SPAG8: variants seen among roughly 807,000 people sequenced by gnomAD.
SPAG8 encodes sperm-associated antigen 8.
In SPAG8, 36 loss-of-function variants were observed where a neutral mutation model predicts 45.3. The observed-to-expected ratio is 0.80, with a 90% CI of 0.61 to 1.05. The LOEUF (loss-of-function observed/expected upper bound fraction) is 1.05. SPAG8 is among the 50% of genes least tolerant of loss of function. The pLI is 0.00. For missense variants in SPAG8, 573 were observed against 609.2 expected (o/e 0.94, Z 0.63); for synonymous variants, 227 against 232.6 (o/e 0.98, Z 0.22).
chr9:35,811,698 G>A lies in SPAG8; in HGVS notation c.348C>T (p.Val116=), dbSNP rs767881208. 2.4e-5 allele frequency: 39 copies of A among 1,614,118 alleles called. No individual in the cohort carries two copies. In the South Asian group the frequency reaches 4.0e-4, roughly 16 times the overall value. Residue 116 remains valine, a synonymous_variant, in exon 2 of 7, where the codon GTC becomes GTT. Coordinates refer to ENST00000396638, the MANE Select transcript of SPAG8 (RefSeq NM_001039592.2). ...IAHGSLGFEP[V]YVSCIAQDTC... is the part of the protein sequence containing the mutation. Reference sequence around the variant, plus strand: ...TGTCCTGAGCAATACAGGAAACATAGACGGGCTCAAAGCCAAGACTCCCAT... The same window carrying A: ...TGTCCTGAGCAATACAGGAAACATAAACGGGCTCAAAGCCAAGACTCCCAT...
chr9:35,809,752 C>A (rs1476722147), downstream of SPAG8: 2 of 1,497,738 alleles, frequency 1.3e-6, no homozygotes, highest in East Asian at 4.6e-5. The surrounding 1 kb of genome is among the most constrained non-coding windows in gnomAD (Gnocchi z 4.1). Context: ...TAGGGGCAAT[C>A]CCAAGGAAAG....
In SPAG8 at chr9:35,810,952, G is replaced by A. The variant is rs761228912; in HGVS notation, c.970C>T (p.Pro324Ser). ...TTCTGGGTGGTGCTGGAGGGCATGG[G>A]TGACTTTAGTTGCATAGTCAGCAGT... ...RGLLTMQLKS[P>S]MPSSTTQKDS... Residue 324 changes from proline to serine, a missense_variant, in exon 3 of 7, where the codon CCC becomes TCC. Physicochemically the swap from Pro to Ser is moderately conservative, Grantham distance 74 (BLOSUM62 -1). Transcript: ENST00000396638. 1 of 1,614,112 alleles carries A rather than the reference G, an allele frequency of 6.2e-7. No individual in the cohort carries two copies. The highest frequency in any genetic ancestry group is 8.5e-7 in the Non-Finnish European group (1 of 1,180,016).
At position 35,811,855 on chromosome 9, in the gene SPAG8, A is replaced by T; in HGVS notation, c.191T>A (p.Phe64Tyr). The part of the protein sequence containing the change: ...AASAAAATAA[F>Y]TTAKAAALST... ...TAATGCAGCTGCTTTGGCAGTGGTG[A>T]AGGCTGCAGTAGCTGCAGCAGCTGA... The change falls in exon 2 of 7, where the codon TTC becomes TAC. Residue 64 changes from phenylalanine (F) to tyrosine (Y), a missense_variant. Transcript: ENST00000396638. 2.5e-6 allele frequency: 4 copies of T among 1,611,168 alleles called. No individual in the cohort carries two copies. The highest frequency in any genetic ancestry group is 3.4e-6 in the Non-Finnish European group (4 of 1,177,730).
rs769243311 is a variant in SPAG8 at position 35,811,560 on chromosome 9, A to ACCAGAG, written c.480_485dup (p.Ser161_Gly162dup). ...AGCCAGGGACAGAGCCACAGCCAGG[A>ACCAGAG]CCAGAGCCAGAGCCAGAGCCATGGC... On this transcript the variant is annotated inframe_insertion, in exon 2 of 7. Transcript: ENST00000396638. The ACCAGAG allele has an allele frequency of 6.2e-6, 10 of 1,611,568 alleles. No individual in the cohort carries two copies. The highest frequency in any genetic ancestry group is 1.1e-5 in the South Asian group (1 of 90,936).
downstream of SPAG8, chr9:35,807,934 CGTT>C: frequency 1.9e-6 from 1 of 525,262 alleles, no homozygotes. Context: ...ATAATAGATT[CGTT>C]GTATGGAAAG....
At chr9:35,811,095 T>G in intron 2 of SPAG8, 38 bp from the exon 3 acceptor site, 1 of 1,595,202 alleles carries the variant, frequency 6.3e-7, no homozygotes, top group Non-Finnish European at 8.5e-7. Context: ...ATATCCCTTC[T>G]GGTACCCACC....
chr9:35,809,667 A>G (rs761280390), downstream of SPAG8: 15 of 1,120,676 alleles, frequency 1.3e-5, no homozygotes, highest in Non-Finnish European at 2.0e-5. The surrounding 1 kb of genome is among the most constrained non-coding windows in gnomAD (Gnocchi z 4.1). Flanking sequence ...TTCTGTAAAT[A>G]TCTGTATCTA....
chr9:35,811,600 G>C lies in SPAG8; in HGVS notation c.446C>G (p.Ser149Cys). The C allele has an allele frequency of 6.2e-7, 1 of 1,614,100 alleles. No individual in the cohort carries two copies. The highest frequency in any genetic ancestry group is 8.5e-7 in the Non-Finnish European group (1 of 1,179,978). The change falls in exon 2 of 7, where the codon TCC (serine) becomes TGC (cysteine). Residue 149 changes from serine (S) to cysteine (C), a missense_variant. By Grantham distance (112) the Ser-to-Cys change is moderately radical. Coordinates refer to ENST00000396638, the MANE Select transcript of SPAG8 (RefSeq NM_001039592.2). Reference sequence around the variant, plus strand: ...AGAGCCATGGCCAGCACCTGAGCTGGAACCAAGAACAGGCCCAGAGCTAGA... The same window carrying C: ...AGAGCCATGGCCAGCACCTGAGCTGCAACCAAGAACAGGCCCAGAGCTAGA... ...PGSSSGPVLG[S>C]SSGAGHGSGS...
downstream of SPAG8, chr9:35,809,615 A>G (rs769884337): frequency 3.4e-6 from 4 of 1,174,658 alleles, no homozygotes; most frequent in South Asian, 3.7e-5. This position sits in a 1 kb window ranked among gnomAD's most constrained non-coding sequence, Gnocchi z 4.1. Flanking sequence ...AGCCCTGTAC[A>G]TATACCTGTC....
At chr9:35,808,646 C>A (rs1224456436), downstream of SPAG8, 1 of 1,614,182 alleles carries the variant, frequency 6.2e-7, no homozygotes, top group Non-Finnish European at 8.5e-7. The surrounding 1 kb of genome is among the most constrained non-coding windows in gnomAD (Gnocchi z 4.0). Flanking sequence ...GCCACCGACC[C>A]CATGACCAGC....
chr9:35,810,773 G>C lies in SPAG8; in HGVS notation c.1040-91C>G. 4 of 1,602,632 alleles carry C rather than the reference G, an allele frequency of 2.5e-6. No individual in the cohort carries two copies. The South Asian group carries it at 4.4e-5, about 18-fold the overall frequency. On this transcript the variant is annotated intron_variant, in intron 3 of 6. Coordinates refer to ENST00000396638, the MANE Select transcript of SPAG8 (RefSeq NM_001039592.2). Reference sequence around the variant, plus strand: ...CTTGAGAAAAGGAAGAAGAACCTTGGGGTTCCGCCCTTATATCCACTGGAG... The same window carrying C: ...CTTGAGAAAAGGAAGAAGAACCTTGCGGTTCCGCCCTTATATCCACTGGAG...
chr9:35,811,972 C>T lies in SPAG8; in HGVS notation c.74G>A (p.Gly25Glu), dbSNP rs770232204. The T allele has an allele frequency of 1.1e-5, 18 of 1,599,714 alleles. No homozygotes were observed. Among genetic ancestry groups the T allele is most frequent in the South Asian group, 8.8e-5 (8 of 90,666 alleles). Residue 25 changes from glycine (G) to glutamate (E), a missense_variant, in exon 2 of 7, where the codon GGA becomes GAA. Transcript: ENST00000396638. ...RSLDIQPSSE[G>E]LGPTSEPFPS... ...AAACGGTTCCGAAGTGGGCCCCAGT[C>T]CTTCGGAGCTGGGCTGTATGTCTAA...
chr9:35,811,920 C>T lies in SPAG8; in HGVS notation c.126G>A (p.Ser42=), dbSNP rs1828828856. 2 of 1,607,066 alleles carry T rather than the reference C, an allele frequency of 1.2e-6. No homozygotes were observed. Among genetic ancestry groups the T allele is most frequent in the Non-Finnish European group, 8.5e-7 (1 of 1,174,884 alleles). ...PFPSSDDSPR[S]ALAAATAAAA... ...CTGCTGCGGTTGCAGCTGCCAGGGC[C>T]GACCTGGGACTGTCATCTGAAGAAG... Residue 42 remains serine, a synonymous_variant, in exon 2 of 7, where the codon TCG becomes TCA. Coordinates refer to ENST00000396638, the MANE Select transcript of SPAG8 (RefSeq NM_001039592.2).
In SPAG8 at chr9:35,812,255, TG is replaced by T. The variant is rs1828856082; in HGVS notation, c.-109del. ...CAGGTGGCGGTGGAGGCAAGTCCTC[TG>T]CGGGGCGGAAGTCTTCAGCCTAGTG... is the stretch of plus-strand genomic sequence containing the variant. On this transcript the variant is annotated 5_prime_UTR_variant, in exon 1 of 7. Coordinates refer to ENST00000396638, the MANE Select transcript of SPAG8 (RefSeq NM_001039592.2). 2 of 1,288,080 alleles carry T rather than the reference TG, an allele frequency of 1.6e-6. No individual in the cohort carries two copies. The highest frequency in any genetic ancestry group is 2.3e-5 in the East Asian group (1 of 43,010). The allele number at this position is 1,288,080 out of a possible 1,614,324, so 79.8% of individuals were successfully genotyped here.
At chr9:35,809,395 C>A (rs1828635483), downstream of SPAG8, 1 of 1,614,132 alleles carries the variant, frequency 6.2e-7, no homozygotes, top group Non-Finnish European at 8.5e-7. This position sits in a 1 kb window ranked among gnomAD's most constrained non-coding sequence, Gnocchi z 4.1. Context: ...AGGAAAGATG[C>A]GAACATACTG....
downstream of SPAG8, chr9:35,808,863 T>A (rs1828580181): frequency 1.3e-6 from 2 of 1,509,730 alleles, no homozygotes; most frequent in Middle Eastern, 1.7e-4. This position sits in a 1 kb window ranked among gnomAD's most constrained non-coding sequence, Gnocchi z 4.0. Flanking sequence ...GGTAAGACAT[T>A]AGCCCTCAAC....
downstream of SPAG8, chr9:35,808,463 C>T: frequency 6.3e-7 from 1 of 1,594,134 alleles, no homozygotes. This position sits in a 1 kb window ranked among gnomAD's most constrained non-coding sequence, Gnocchi z 4.0. Context: ...TTTCCCATCC[C>T]CATGGATATA....
At chr9:35,808,732 TC>T (rs753470777), downstream of SPAG8, 10 of 1,611,910 alleles carry the variant, frequency 6.2e-6, no homozygotes, top group Admixed American at 1.5e-4. The surrounding 1 kb of genome is among the most constrained non-coding windows in gnomAD (Gnocchi z 4.0). Flanking sequence ...TCCCAGACTC[TC>T]CCAACCTGTT....
Position 35,810,465 on chromosome 9 carries a change from G to C in SPAG8, c.1174C>G (p.Gln392Glu), listed in dbSNP as rs759571943. The change falls in exon 5 of 7, where the codon CAA becomes GAA. Residue 392 changes from glutamine to glutamate, a missense_variant. Gln to Glu is a conservative substitution (Grantham distance 29). Coordinates refer to ENST00000396638, the MANE Select transcript of SPAG8 (RefSeq NM_001039592.2). Reference sequence around the variant, plus strand: ...TTTGTTGGGGCAGGAGTCCCTGCTTGTGCCAGCTCCATTCGGTAGTCATGG... The same window carrying C: ...TTTGTTGGGGCAGGAGTCCCTGCTTCTGCCAGCTCCATTCGGTAGTCATGG... The part of the protein sequence containing the change: ...THHDYRMELA[Q>E]AGTPAPTKPH... 3 of 1,613,986 alleles carry C rather than the reference G, an allele frequency of 1.9e-6. No individual in the cohort carries two copies. The highest frequency in any genetic ancestry group is 2.5e-6 in the Non-Finnish European group (3 of 1,179,926).
Sources: allele counts gnomAD v4.1 joint callset, GRCh38; gene constraint gnomAD v4.1.1; non-coding constraint Gnocchi (gnomAD v3.1); transcripts MANE v1.5; gene names NCBI Gene and HGNC (gene_info 2026-07-23, HGNC 2026-07-21).